CCNYL1: variants seen among roughly 807,000 people sequenced by gnomAD.
The protein encoded by CCNYL1 is cyclin-Y-like protein 1.
CCNYL1 carries 16 observed loss-of-function variants against 44.2 expected under a neutral mutation model. The ratio of observed to expected loss-of-function variants is 0.36; its 90% CI spans 0.25 to 0.55. The LOEUF is 0.55. CCNYL1 is among the 20% of genes least tolerant of loss of function. The pLI is 0.85. For missense variants in CCNYL1, 348 were observed against 451.8 expected, an observed-to-expected ratio of 0.77 and a Z score of 2.08; for synonymous variants, 159 against 163.2, an observed-to-expected ratio of 0.97 and a Z score of 0.20.
intron 3 of CCNYL1, among the ~76,000 whole-genome samples, chr2:207,731,878 T>C: frequency 6.7e-6 from 1 of 150,290 alleles, no homozygotes; most frequent in East Asian, 2.0e-4. Flanking sequence ...GGTGCAATCT[T>C]GGCTCACTAC....
intron 1 of CCNYL1, 66 bp downstream of exon 1, chr2:207,712,182 C>T: frequency 7.2e-7 from 1 of 1,384,168 alleles, no homozygotes; most frequent in Non-Finnish European, 9.8e-7. Context: ...CCCAGAGTCC[C>T]CCGGGAGGCA....
chr2:207,736,622 A>G (rs1322257510), intron 4 of CCNYL1, among the ~76,000 whole-genome samples: 1 of 152,248 alleles, frequency 6.6e-6, no homozygotes, highest in African/African-American at 2.4e-5. Flanking sequence ...AAAATTGATC[A>G]TAAATGATTT....
At chr2:207,745,822 G>C (rs1198504966) in intron 7 of CCNYL1, among the ~76,000 whole-genome samples, 5 of 152,058 alleles carry the variant, frequency 3.3e-5, no homozygotes, top group Non-Finnish European at 5.9e-5. Flanking sequence ...GCTGGCGGGT[G>C]CTCAGCTACT....
chr2:207,724,381 T>G (rs2091664103), intron 1 of CCNYL1, among the ~76,000 whole-genome samples: 2 of 152,202 alleles, frequency 1.3e-5, no homozygotes, highest in South Asian at 4.1e-4. Context: ...TTTACCATAT[T>G]TGATGTATTG....
chr2:207,729,699 C>G (rs2091710790), intron 3 of CCNYL1, among the ~76,000 whole-genome samples: 1 of 151,812 alleles, frequency 6.6e-6, no homozygotes, highest in Non-Finnish European at 1.5e-5. Context: ...TTTCTCCTGT[C>G]CTATCCTTTC....
At chr2:207,724,689 A>T (rs892290598) in intron 1 of CCNYL1, 111 bp from the exon 2 acceptor site, 1 of 775,142 alleles carries the variant, frequency 1.3e-6, no homozygotes, top group African/African-American at 1.8e-5. Context: ...ATTTATTACT[A>T]AAAACTTCTC....
intron 8 of CCNYL1, chr2:207,750,721 A>G (rs2091885133): frequency 4.8e-6 from 2 of 420,162 alleles, no homozygotes; most frequent in Non-Finnish European, 8.5e-6. Flanking sequence ...TCAGCAGCAC[A>G]AGTGCATCGG....
In CCNYL1 at chr2:207,744,530, A is replaced by ATT. The variant is rs57198526; in HGVS notation, c.639+2205_639+2206dup. On this transcript the variant is annotated intron_variant, in intron 7 of 9. Coordinates refer to ENST00000295414, the MANE Select transcript of CCNYL1 (RefSeq NM_001330218.2). ...TTACCAGTGCCCGTCACCACGCCTA[A>ATT]TTTTTTTTTTTTTTTTTTAAGTAGA... Among the ~76,000 whole-genome samples, 39 of 137,368 alleles carry ATT rather than the reference A, an allele frequency of 2.8e-4. 1 individual carries two copies. The highest frequency in any genetic ancestry group is 1.9e-3 in the East Asian group (9 of 4,710). The allele number at this position is 137,368 out of a possible 152,430, so 90.1% of individuals were successfully genotyped here. A position where few individuals can be genotyped will look rare whatever the true frequency, so the allele number is the denominator to read the frequency against.
chr2:207,746,989 A>G, intron 7 of CCNYL1, 58 bp from the exon 8 acceptor site: 2 of 1,422,716 alleles, frequency 1.4e-6, no homozygotes, highest in Non-Finnish European at 1.9e-6. Flanking sequence ...AAAAAAAAAA[A>G]AGCTTATCAA....
At chr2:207,713,909 G>A (rs2091572664) in intron 1 of CCNYL1, among the ~76,000 whole-genome samples, 1 of 152,190 alleles carries the variant, frequency 6.6e-6, no homozygotes, top group South Asian at 2.1e-4. Flanking sequence ...AAGCCTCTGA[G>A]TGATTTTACA....
At position 207,754,054 on chromosome 2, in the gene CCNYL1, A is replaced by G. The variant is rs114285153; in HGVS notation, c.*356A>G. 690 of 170,264 alleles carry G rather than the reference A, an allele frequency of 4.1e-3. 5 individuals are homozygous for G. The highest frequency in any genetic ancestry group is 0.015 in the African/African-American group (634 of 42,254). 10.5% of individuals were successfully genotyped at this position (170,264 alleles called of 1,614,324 possible). ...TTTTTAGACTTTAAAGACACTAACC[A>G]TATAACTTTTATGTTTCTTCCAGTT... is the stretch of plus-strand genomic sequence containing the variant. On this transcript the variant is annotated 3_prime_UTR_variant, in exon 10 of 10. Transcript: ENST00000295414.
intron 1 of CCNYL1, among the ~76,000 whole-genome samples, chr2:207,716,216 GA>G (rs2091594043): frequency 6.6e-6 from 1 of 152,090 alleles, no homozygotes; most frequent in Non-Finnish European, 1.5e-5. Context: ...GGCGCTCTCT[GA>G]AGTGACTCTT....
At chr2:207,738,169 T>C (rs771595460) in intron 5 of CCNYL1, among the ~76,000 whole-genome samples, 2 of 152,146 alleles carry the variant, frequency 1.3e-5, no homozygotes, top group Non-Finnish European at 2.9e-5. Flanking sequence ...TGGTAAAAGG[T>C]ATATTTTTAA....
intron 1 of CCNYL1, among the ~76,000 whole-genome samples, chr2:207,722,931 C>T (rs1016965142): frequency 2.7e-5 from 4 of 150,892 alleles, no homozygotes; most frequent in Admixed American, 6.6e-5. Context: ...AGCACTCCAG[C>T]CTGGGCGAAA....
chr2:207,732,249 C>G (rs2091734294), intron 3 of CCNYL1, among the ~76,000 whole-genome samples: 1 of 152,014 alleles, frequency 6.6e-6, no homozygotes, highest in African/African-American at 2.4e-5. Flanking sequence ...AATATAATAG[C>G]TTAAGAAACA....
intron 3 of CCNYL1, among the ~76,000 whole-genome samples, chr2:207,732,204 C>T (rs1324926299): frequency 6.6e-6 from 1 of 152,058 alleles, no homozygotes; most frequent in Non-Finnish European, 1.5e-5. Context: ...TATACATTAG[C>T]ACACATACAC....
chr2:207,742,285 T>C lies in CCNYL1; in HGVS notation c.582T>C (p.Phe194=), dbSNP rs13397055. ...CTGAGCACAAATTTATTTACAGATT[T>C]GTTCGTACTCTTTTTAGTGCTGCAC... ...HDPEHKFIYR[F]VRTLFSAAQL... is the part of the protein sequence containing the mutation. The change falls in exon 7 of 10, where the codon TTT becomes TTC. Residue 194 remains phenylalanine, a synonymous_variant. Transcript: ENST00000295414. 1,436 of 1,613,320 alleles carry C rather than the reference T, an allele frequency of 8.9e-4. 11 individuals carry two copies. In the African/African-American group the frequency reaches 0.016, roughly 18 times the overall value.
At chr2:207,719,593 G>A (rs557843707) in intron 1 of CCNYL1, among the ~76,000 whole-genome samples, 6 of 151,910 alleles carry the variant, frequency 3.9e-5, no homozygotes, top group Non-Finnish European at 7.4e-5. Context: ...GAGCTACTGC[G>A]CCCGGCTTAT....
Position 207,711,736 on chromosome 2 carries a change from G to A in CCNYL1, c.-161G>A, listed in dbSNP as rs1296072223. ...CGGGGCCGGGCCGCGGGGCGGGCGG[G>A]CGAACCGCGGGCGAGGCGGCGTCTG... On this transcript the variant is annotated 5_prime_UTR_variant, in exon 1 of 10. Transcript: ENST00000295414. 2 of 317,688 alleles carry A rather than the reference G, an allele frequency of 6.3e-6. No individual in the cohort carries two copies. Among genetic ancestry groups the A allele is most frequent in the Non-Finnish European group, 5.4e-6 (1 of 184,128 alleles). The allele number at this position is 317,688 out of a possible 1,614,324, so 19.7% of individuals were successfully genotyped here. A position where few individuals can be genotyped will look rare whatever the true frequency, so the allele number is the denominator to read the frequency against.
Sources: gnomAD v4.1 joint callset for allele counts (sites outside exome capture counted in the v4.1 genomes callset) on GRCh38, gnomAD v4.1.1 for gene constraint, MANE v1.5 for transcripts, NCBI Gene and HGNC (gene_info 2026-07-23, HGNC 2026-07-21) for gene names.